ADGRL1: variants seen among roughly 807,000 people sequenced by gnomAD.
ADGRL1 encodes CIRL-1.
Under a neutral mutation model 148.9 loss-of-function variants are expected in ADGRL1, and 31 were observed. The observed-to-expected ratio is 0.21, with a 90% confidence interval of 0.16 to 0.28. The LOEUF (loss-of-function observed/expected upper bound fraction) is 0.28, where lower values mean the gene tolerates loss of function less well. Ranked by LOEUF, ADGRL1 falls within the 10% of genes least tolerant of loss-of-function variation. The probability of loss-of-function intolerance (pLI) is 1.00; values close to 1 mark genes in which losing one functional copy is unlikely to be tolerated. For missense variants in ADGRL1, 1,521 were observed against 2,058.8 expected (o/e 0.74, Z 5.05); for synonymous variants, 937 against 900.3 (o/e 1.04, Z -0.73).
chr19:14,179,635 G>A (rs773468699), intron 2 of ADGRL1, among the ~76,000 whole-genome samples: 1 of 152,004 alleles, frequency 6.6e-6, no homozygotes, highest in African/African-American at 2.4e-5. Flanking sequence ...GGCCGGGCTC[G>A]GTGGCTCACA....
At chr19:14,171,703 GC>G (rs1453957424) in intron 3 of ADGRL1, among the ~76,000 whole-genome samples, 21 of 152,138 alleles carry the variant, frequency 1.4e-4, no homozygotes, top group African/African-American at 4.8e-4. Flanking sequence ...CAGACTTATA[GC>G]CAGGGCAGCC....
Position 14,160,114 on chromosome 19 carries a change from T to G in ADGRL1, c.1798A>C (p.Lys600Gln). ...TCAGCGCCACCGCCAGGCCCCACCT[T>G]GTTGTAGTTCTTGCCGGCTGACTCG... ...ERESAGKNYN[K>Q]MHKRERTCKD... The change falls in exon 8 of 23, where the codon AAG becomes CAG. Residue 600 changes from lysine to glutamine, a missense_variant and splice_region_variant. Coordinates refer to ENST00000361434, the MANE Select transcript of ADGRL1 (RefSeq NM_014921.5). The surrounding 1 kb of genome is among the most constrained non-coding windows in gnomAD (Gnocchi z 5.9). 1.3e-6 allele frequency: 2 copies of G among 1,579,158 alleles called. No homozygotes were observed. The highest frequency in any genetic ancestry group is 1.7e-6 in the Non-Finnish European group (2 of 1,153,556).
At chr19:14,174,035 G>A (rs1288280366) in intron 3 of ADGRL1, among the ~76,000 whole-genome samples, 1 of 151,534 alleles carries the variant, frequency 6.6e-6, no homozygotes, top group Non-Finnish European at 1.5e-5. Context: ...CAGGACTAAG[G>A]CCCCCTACAA....
intron 2 of ADGRL1, among the ~76,000 whole-genome samples, chr19:14,182,476 G>A (rs1322524604): frequency 6.6e-6 from 1 of 152,204 alleles, no homozygotes; most frequent in Non-Finnish European, 1.5e-5. Context: ...GCACTCGTGC[G>A]GGACGGTGAC....
chr19:14,164,100 C>T (rs577517729), intron 4 of ADGRL1, among the ~76,000 whole-genome samples: 1 of 150,628 alleles, frequency 6.6e-6, no homozygotes, highest in South Asian at 2.1e-4. Flanking sequence ...CTCCCCACCC[C>T]CCACCCAGTA....
Position 14,185,591 on chromosome 19 carries a change from C to T in ADGRL1, c.-95-1894G>A, listed in dbSNP as rs530284210. On this transcript the variant is annotated intron_variant, in intron 1 of 22. Transcript: ENST00000361434. ...TTACAGGCGTGAGCCACTGTGCTGGCCAGAAACACACATTCTCTGAGGCAG... is the reference window on the plus strand; with the variant it reads ...TTACAGGCGTGAGCCACTGTGCTGGTCAGAAACACACATTCTCTGAGGCAG... 8.9e-4 allele frequency among the ~76,000 whole-genome samples: 135 copies of T among 152,228 alleles called. 5 individuals carry two copies. In the South Asian group the frequency reaches 0.028, roughly 31 times the overall value.
At chr19:14,153,868 G>T (rs571467192) in intron 18 of ADGRL1, among the ~76,000 whole-genome samples, 224 of 151,914 alleles carry the variant, frequency 1.5e-3, no homozygotes, top group African/African-American at 5.1e-3. Context: ...TTGAAGCTGG[G>T]GGGGTGGAGG....
chr19:14,165,785 G>C (rs1969905085), intron 4 of ADGRL1, among the ~76,000 whole-genome samples: 1 of 152,012 alleles, frequency 6.6e-6, no homozygotes, highest in South Asian at 2.1e-4. Context: ...GGAAGACGGG[G>C]AGGGGAGCAG....
At position 14,177,591 on chromosome 19, in the gene ADGRL1, G is replaced by C. The variant is rs1315814677; in HGVS notation, c.224C>G (p.Pro75Arg). 1 of 1,614,128 alleles carries C rather than the reference G, an allele frequency of 6.2e-7. No homozygotes were observed. Among genetic ancestry groups the C allele is most frequent in the African/African-American group, 1.3e-5 (1 of 74,948 alleles). Reference sequence around the variant, plus strand: ...GCACTGCACATTCTCCATCTGGAAAGGGTCAGCATCGCAAATCTTGTCGTC... The same window carrying C: ...GCACTGCACATTCTCCATCTGGAAACGGTCAGCATCGCAAATCTTGTCGTC... ...RTDDKICDADPFQMENVQCYL... is the reference protein window; with the variant it reads ...RTDDKICDADRFQMENVQCYL... The change falls in exon 3 of 23, where the codon CCT (proline) becomes CGT (arginine). Residue 75 changes from proline to arginine, a missense_variant. Pro to Arg is a moderately radical substitution (Grantham distance 103, BLOSUM62 -2). Around this residue, in one of 8 missense-constraint regions of ADGRL1, gnomAD observed 334 missense variants for 512.5 expected, o/e 0.65. Transcript: ENST00000361434.
At chr19:14,166,581 A>C (rs919403586) in intron 4 of ADGRL1, among the ~76,000 whole-genome samples, 1 of 148,290 alleles carries the variant, frequency 6.7e-6, no homozygotes, top group African/African-American at 2.4e-5. Flanking sequence ...AGAGAGAGAG[A>C]AAGAGAGAGA....
At chr19:14,168,161 C>T (rs949621862) in intron 4 of ADGRL1, among the ~76,000 whole-genome samples, 1 of 151,920 alleles carries the variant, frequency 6.6e-6, no homozygotes, top group Non-Finnish European at 1.5e-5. Context: ...CCCTCAGGAA[C>T]TTCTGACTGG....
At position 14,155,628 on chromosome 19, in the gene ADGRL1, G is replaced by C. The variant is rs1968649360; in HGVS notation, c.3126-101C>G. 13 of 1,260,400 alleles carry C rather than the reference G, an allele frequency of 1.0e-5. No homozygotes were observed. The highest frequency in any genetic ancestry group is 1.4e-5 in the Non-Finnish European group (13 of 902,180). 78.1% of individuals were successfully genotyped at this position (1,260,400 alleles called of 1,614,324 possible). ...ACAACGGGGGCCCTTGGGTGGGCCT[G>C]GGCACTGTCTGCAAAGCCCTGAGCG... is the stretch of plus-strand genomic sequence containing the variant. On this transcript the variant is annotated intron_variant, in intron 17 of 22. Transcript: ENST00000361434. This position sits in a 1 kb window ranked among gnomAD's most constrained non-coding sequence, Gnocchi z 5.0.
In ADGRL1 at chr19:14,159,567, C is replaced by T. The variant is rs1372997352; in HGVS notation, c.1857G>A (p.Val619=). The change falls in exon 10 of 23, where the codon GTG becomes GTA. Residue 619 remains valine (V), a synonymous_variant. Coordinates refer to ENST00000361434, the MANE Select transcript of ADGRL1 (RefSeq NM_014921.5). This position sits in a 1 kb window ranked among gnomAD's most constrained non-coding sequence, Gnocchi z 6.0. ...KDYIKAVVET[V]DNLLRPEALE... is the part of the protein sequence containing the mutation. The stretch of plus-strand genomic sequence containing the variant: ...GAGCTTCTGGCCGGAGCAGATTGTC[C>T]ACTGTCTCCACCACGGCCTGCACAG... 2 of 1,599,764 alleles carry T rather than the reference C, an allele frequency of 1.3e-6. No homozygotes were observed. The highest frequency in any genetic ancestry group is 2.7e-5 in the African/African-American group (2 of 74,720).
intron 1 of ADGRL1, among the ~76,000 whole-genome samples, chr19:14,204,213 T>C (rs967567387): frequency 1.3e-5 from 2 of 152,196 alleles, no homozygotes; most frequent in South Asian, 2.1e-4. Flanking sequence ...GTAATCCTTC[T>C]CTTATTCTCC....
intron 4 of ADGRL1, among the ~76,000 whole-genome samples, chr19:14,164,174 G>T (rs1258768617): frequency 6.6e-6 from 1 of 152,034 alleles, no homozygotes; most frequent in African/African-American, 2.4e-5. Context: ...GACGGGGAAT[G>T]AAAGAGTCTG....
At chr19:14,203,957 AG>A (rs151162413) in intron 1 of ADGRL1, among the ~76,000 whole-genome samples, 7,224 of 152,246 alleles carry the variant, frequency 0.047, 197 homozygotes, top group African/African-American at 0.083. Context: ...CAAGCTGGGT[AG>A]GAAGATGGTG....
intron 4 of ADGRL1, among the ~76,000 whole-genome samples, chr19:14,164,182 C>T (rs1969725790): frequency 6.6e-6 from 1 of 152,044 alleles, no homozygotes; most frequent in African/African-American, 2.4e-5. Flanking sequence ...ATGAAAGAGT[C>T]TGGCCCCTCC....
At chr19:14,178,912 G>GC (rs1971002633) in intron 2 of ADGRL1, among the ~76,000 whole-genome samples, 1 of 152,098 alleles carries the variant, frequency 6.6e-6, no homozygotes, top group African/African-American at 2.4e-5. Context: ...GGCCAGGCGC[G>GC]GTGGCTCACA....
At position 14,152,696 on chromosome 19, in the gene ADGRL1, C is replaced by A; in HGVS notation, c.3424-83G>T. The A allele has an allele frequency of 6.3e-7, 1 of 1,590,244 alleles. No individual in the cohort carries two copies. ...TCTGAGACTGCTCACCTGATCATCACGATCAGAAACCTAGGCCAAGCCACT... is the reference window on the plus strand; with the variant it reads ...TCTGAGACTGCTCACCTGATCATCAAGATCAGAAACCTAGGCCAAGCCACT... On this transcript the variant is annotated intron_variant, in intron 19 of 22. Transcript: ENST00000361434. The surrounding 1 kb of genome is among the most constrained non-coding windows in gnomAD (Gnocchi z 6.1).
Sources: allele counts gnomAD v4.1 joint callset (sites outside exome capture counted in the v4.1 genomes callset), GRCh38; gene constraint gnomAD v4.1.1; regional missense constraint gnomAD v4.1.1; non-coding constraint Gnocchi (gnomAD v3.1); transcripts MANE v1.5; gene names NCBI Gene and HGNC (gene_info 2026-07-23, HGNC 2026-07-21).